The following BCKDHB variants were observed in gnomAD, a reference collection of about 807,000 sequenced individuals.
BCKDHB encodes the protein 2-oxoisovalerate dehydrogenase subunit beta, mitochondrial.
BCKDHB carries 41 observed loss-of-function variants against 48.5 expected under a neutral mutation model. That is an observed-to-expected ratio of 0.85 (90% CI 0.66 to 1.10). The LOEUF is 1.10. Ranked by LOEUF, BCKDHB falls within the 50% of genes least tolerant of loss-of-function variation. The pLI, the probability that BCKDHB is intolerant of heterozygous loss-of-function variation, is 0.00. For missense variants in BCKDHB, 496 were observed against 494.2 expected (o/e 1.00, Z -0.03); for synonymous variants, 201 against 174.8 (o/e 1.15, Z -1.18).
At chr6:80,365,846 C>T in the BCKDHB span, among the ~76,000 whole-genome samples, 14 of 152,180 alleles carry the variant, frequency 9.2e-5, no homozygotes, top group Non-Finnish European at 1.8e-4. Flanking sequence ...TCTGCTGTGG[C>T]TCCAGCCGGT....
chr6:80,108,919 C>T (rs150227133), intron 1 of BCKDHB, among the ~76,000 whole-genome samples: 39 of 152,294 alleles, frequency 2.6e-4, no homozygotes, highest in African/African-American at 8.4e-4. Context: ...ATATTGCTAA[C>T]ATTTTGGGTG....
At chr6:80,166,551 G>C (rs1772578952) in intron 3 of BCKDHB, among the ~76,000 whole-genome samples, 2 of 151,848 alleles carry the variant, frequency 1.3e-5, no homozygotes, top group Non-Finnish European at 2.9e-5. Flanking sequence ...AGCTACTCGG[G>C]TGGCTGAGGC....
the BCKDHB span, among the ~76,000 whole-genome samples, chr6:80,358,260 A>G: frequency 1.3e-5 from 2 of 152,118 alleles, no homozygotes; most frequent in African/African-American, 4.8e-5. Context: ...GATGCCATAT[A>G]TCTGTAGATA....
At chr6:80,448,328 A>G in the BCKDHB span, among the ~76,000 whole-genome samples, 1 of 152,214 alleles carries the variant, frequency 6.6e-6, no homozygotes, top group Non-Finnish European at 1.5e-5. Context: ...TTTTATACTG[A>G]GTGAAGCCTT....
chr6:80,450,601 G>A, the BCKDHB span, among the ~76,000 whole-genome samples: 267 of 152,252 alleles, frequency 1.8e-3, no homozygotes, highest in African/African-American at 5.8e-3. Flanking sequence ...TGGGTTAATC[G>A]GAAGCCAATA....
the BCKDHB span, among the ~76,000 whole-genome samples, chr6:80,396,132 C>G: frequency 6.6e-6 from 1 of 152,188 alleles, no homozygotes; most frequent in South Asian, 2.1e-4. Flanking sequence ...AGAGTCCCCA[C>G]TGGGGTATTG....
the BCKDHB span, among the ~76,000 whole-genome samples, chr6:80,427,516 A>T: frequency 6.6e-6 from 1 of 152,150 alleles, no homozygotes; most frequent in Non-Finnish European, 1.5e-5. Context: ...ATTTTAAAAG[A>T]CTTTACATTT....
At chr6:80,141,063 T>C (rs918677661) in intron 3 of BCKDHB, among the ~76,000 whole-genome samples, 1 of 152,204 alleles carries the variant, frequency 6.6e-6, no homozygotes, top group African/African-American at 2.4e-5. Context: ...ATTTATCCAT[T>C]TCTTCTAGAT....
chr6:80,141,729 A>G lies in BCKDHB; in HGVS notation c.343+12500A>G, dbSNP rs151030244. The stretch of plus-strand genomic sequence containing the variant: ...AAATTGATTCATGTATCTTTTAAGC[A>G]TCACAAGAATTAGAAAATGAGACCA... On this transcript the variant is annotated intron_variant, in intron 3 of 9. Transcript: ENST00000320393. 1.7e-3 allele frequency among the ~76,000 whole-genome samples: 264 copies of G among 152,280 alleles called. 1 individual carries two copies. Among genetic ancestry groups the G allele is most frequent in the African/African-American group, 6.0e-3 (250 of 41,576 alleles).
At chr6:80,376,730 T>C in the BCKDHB span, among the ~76,000 whole-genome samples, 1 of 152,202 alleles carries the variant, frequency 6.6e-6, no homozygotes, top group Non-Finnish European at 1.5e-5. Context: ...CTAGGCTGTG[T>C]TCAATAATGA....
the BCKDHB span, among the ~76,000 whole-genome samples, chr6:80,395,740 T>TGTGCCCAGG: frequency 6.6e-6 from 1 of 152,118 alleles, no homozygotes. Flanking sequence ...TCAGAGAACC[T>TGTGCCCAGG]CAATGCAGCC....
chr6:80,391,653 C>T, the BCKDHB span, among the ~76,000 whole-genome samples: 1 of 152,100 alleles, frequency 6.6e-6, no homozygotes, highest in East Asian at 1.9e-4. Context: ...TGTTGTAAGC[C>T]TCCAAAGTTA....
chr6:80,273,197 A>T lies in BCKDHB; in HGVS notation c.1014A>T (p.Ala338=). 2 of 1,613,554 alleles carry T rather than the reference A, an allele frequency of 1.2e-6. No individual in the cohort carries two copies. Among genetic ancestry groups the T allele is most frequent in the Non-Finnish European group, 8.5e-7 (1 of 1,179,642 alleles). Residue 338 remains alanine (A), a synonymous_variant, in exon 9 of 10, where the codon GCA becomes GCT. Transcript: ENST00000320393. ...SHEAPLTGGF[A]SEISSTVQEE... ...AGGCTCCCTTGACAGGCGGCTTTGC[A>T]TCGGAAATCAGCTCTACAGTTCAGG...
intron 8 of BCKDHB, among the ~76,000 whole-genome samples, chr6:80,238,631 A>G (rs778233656): frequency 2.6e-5 from 4 of 151,900 alleles, no homozygotes; most frequent in Admixed American, 6.6e-5. Flanking sequence ...TTTAAGTTCT[A>G]CGGTACATGT....
intron 8 of BCKDHB, among the ~76,000 whole-genome samples, chr6:80,228,001 G>T (rs550868571): frequency 3.2e-4 from 48 of 152,092 alleles, no homozygotes; most frequent in Non-Finnish European, 4.9e-4. Flanking sequence ...TGACATTGGG[G>T]TACACACTGA....
chr6:80,383,820 A>G, the BCKDHB span, among the ~76,000 whole-genome samples: 417 of 152,280 alleles, frequency 2.7e-3, 1 homozygote, highest in Middle Eastern at 0.027. Flanking sequence ...GTTTTTCTAA[A>G]TACAATATGG....
At chr6:80,254,260 A>G (rs899987918) in intron 8 of BCKDHB, among the ~76,000 whole-genome samples, 7 of 151,760 alleles carry the variant, frequency 4.6e-5, no homozygotes, top group Non-Finnish European at 1.0e-4. Flanking sequence ...CTTAAGGTAC[A>G]TATTCTTCTT....
the BCKDHB span, among the ~76,000 whole-genome samples, chr6:80,358,641 G>T: frequency 2.9e-4 from 44 of 152,326 alleles, no homozygotes; most frequent in African/African-American, 1.1e-3. Flanking sequence ...CATATTGTAT[G>T]ATTCCTTTCA....
chr6:80,144,742 C>T (rs528910560), intron 3 of BCKDHB, among the ~76,000 whole-genome samples: 1 of 152,132 alleles, frequency 6.6e-6, no homozygotes, highest in Non-Finnish European at 1.5e-5. Flanking sequence ...TCAGCTTAAA[C>T]TCCCATTACA....
Sources: allele counts gnomAD v4.1 joint callset (sites outside exome capture counted in the v4.1 genomes callset), GRCh38; gene constraint gnomAD v4.1.1; transcripts MANE v1.5; gene names NCBI Gene and HGNC (gene_info 2026-07-23, HGNC 2026-07-21).